The following SLC9A3 variants were observed in gnomAD, a reference collection of about 807,000 sequenced individuals.
SLC9A3 encodes sodium/hydrogen exchanger 3.
SLC9A3 carries 37 observed loss-of-function variants against 86.8 expected under a neutral mutation model. The observed-to-expected ratio is 0.43, with a 90% CI of 0.33 to 0.56. The LOEUF (loss-of-function observed/expected upper bound fraction) is 0.56, where lower values mean the gene tolerates loss of function less well. SLC9A3 is among the 20% of genes least tolerant of loss of function. The pLI is 0.06. For synonymous variants in SLC9A3, 581 were observed against 528.3 expected (o/e 1.10, Z -1.37); for missense variants, 1,011 against 1,171.9 (o/e 0.86, Z 2.00).
intron 9 of SLC9A3, 21 bp from the exon 10 acceptor site, chr5:479,986 T>C: frequency 1.9e-6 from 3 of 1,607,504 alleles, no homozygotes; most frequent in South Asian, 1.1e-5. Flanking sequence ...AGACCTTGGG[T>C]GTGAGCCTCA....
chr5:478,545 C>T (rs1184769433), intron 10 of SLC9A3: 1 of 153,960 alleles, frequency 6.5e-6, no homozygotes, highest in Admixed American at 6.5e-5. Flanking sequence ...TGTGGGGACC[C>T]CCGCTACTGA....
At position 473,321 on chromosome 5, in the gene SLC9A3, G is replaced by A. The variant is rs931047171; in HGVS notation, c.*58C>T. ...GTTTCTCTGGGACAGCGGCGGCGGC[G>A]GTGGGCGGACCGTGGCGCGGGGACG... On this transcript the variant is annotated 3_prime_UTR_variant, in exon 17 of 17. Transcript: ENST00000264938. 6 of 1,394,532 alleles carry A rather than the reference G, an allele frequency of 4.3e-6. No individual in the cohort carries two copies. The highest frequency in any genetic ancestry group is 1.5e-5 in the African/African-American group (1 of 66,514). The allele number at this position is 1,394,532 out of a possible 1,614,324, so 86.4% of individuals were successfully genotyped here.
At chr5:507,209 C>A (rs1264759802) in intron 1 of SLC9A3, among the ~76,000 whole-genome samples, 1 of 51,508 alleles carries the variant, frequency 1.9e-5, no homozygotes, top group Admixed American at 3.2e-4. Flanking sequence ...GGCTCTGTTG[C>A]CCAGGCTGGA....
intron 1 of SLC9A3, among the ~76,000 whole-genome samples, chr5:519,844 G>A (rs1232622117): frequency 2.6e-5 from 4 of 152,098 alleles, no homozygotes; most frequent in Non-Finnish European, 5.9e-5. Flanking sequence ...TGGGGGGGCT[G>A]CGCCGCTCAG....
chr5:524,108 T>C lies in SLC9A3; in HGVS notation c.211+4A>G. ...GCAGATCCGGAGACCCCGGGGCCAC[T>C]TACCGATCTTGGCCAAGCTGGCCAC... On this transcript the variant is annotated splice_donor_region_variant and intron_variant, in intron 1 of 16. Transcript: ENST00000264938. 6.7e-7 allele frequency: 1 copy of C among 1,499,304 alleles called. No homozygotes were observed. Among genetic ancestry groups the C allele is most frequent in the South Asian group, 1.3e-5 (1 of 79,342 alleles). 92.9% of individuals were successfully genotyped at this position (1,499,304 alleles called of 1,614,324 possible).
chr5:479,535 G>T (rs976649204), intron 10 of SLC9A3: 3 of 364,646 alleles, frequency 8.2e-6, no homozygotes, highest in African/African-American at 4.2e-5. Context: ...GTAACAGCCT[G>T]CCTGCTTACC....
At chr5:485,622 A>T (rs1247533554) in intron 3 of SLC9A3, among the ~76,000 whole-genome samples, 1 of 152,182 alleles carries the variant, frequency 6.6e-6, no homozygotes, top group Non-Finnish European at 1.5e-5. Context: ...ATGTTTTTAA[A>T]CCTTAGCCCG....
Position 484,588 on chromosome 5 carries a change from G to T in SLC9A3, c.864C>A (p.Gly288=). ...FTKHVRIIEP[G]FVFIISYLSY... is the part of the protein sequence containing the mutation. ...ACAGGTAGGAGATGATGAACACGAA[G>T]CCGGGCTCGATGATACGCACATGCT... The change falls in exon 5 of 17, where the codon GGC becomes GGA. Residue 288 remains glycine, a synonymous_variant. Coordinates refer to ENST00000264938, the MANE Select transcript of SLC9A3 (RefSeq NM_004174.4). 1 of 1,613,338 alleles carries T rather than the reference G, an allele frequency of 6.2e-7. No homozygotes were observed. Among genetic ancestry groups the T allele is most frequent in the Non-Finnish European group, 8.5e-7 (1 of 1,179,990 alleles).
At chr5:493,975 G>A (rs1560962916) in intron 1 of SLC9A3, among the ~76,000 whole-genome samples, 1 of 152,194 alleles carries the variant, frequency 6.6e-6, no homozygotes, top group Non-Finnish European at 1.5e-5. Context: ...GCCTGGCCTG[G>A]AATGAGGGAG....
intron 1 of SLC9A3, among the ~76,000 whole-genome samples, chr5:517,238 CATCT>C (rs1282493443): frequency 4.6e-5 from 6 of 129,142 alleles, no homozygotes; most frequent in South Asian, 2.6e-4. Flanking sequence ...GCCATCCATC[CATCT>C]GTCCATTCAC....
At position 482,680 on chromosome 5, in the gene SLC9A3, G is replaced by A. The variant is rs1398429954; in HGVS notation, c.1224C>T (p.Val408=). 6.2e-7 allele frequency: 1 copy of A among 1,612,468 alleles called. No homozygotes were observed. The highest frequency in any genetic ancestry group is 2.2e-5 in the East Asian group (1 of 44,846). ...MVQLEPIDQV[V]LSYGGLRGAV... is the part of the protein sequence containing the mutation. ...CCCCGCGCAGGCCCCCGTAGGACAG[G>A]ACCACCTGGTCAATGGGCTCCAGCT... Residue 408 remains valine (V), a synonymous_variant, in exon 7 of 17, where the codon GTC becomes GTT. Coordinates refer to ENST00000264938, the MANE Select transcript of SLC9A3 (RefSeq NM_004174.4).
Position 472,122 on chromosome 5 carries a change from C to G in SLC9A3, c.*1257G>C, listed in dbSNP as rs1341056664. On this transcript the variant is annotated 3_prime_UTR_variant, in exon 17 of 17. Coordinates refer to ENST00000264938, the MANE Select transcript of SLC9A3 (RefSeq NM_004174.4). ...TTGCCGTCTGAGGGATGGATGGACT[C>G]CGAGCACCCTCCCCGGCTCAGCACC... The G allele has an allele frequency of 3.5e-5, 14 of 403,352 alleles. No individual in the cohort carries two copies. The highest frequency in any genetic ancestry group is 6.5e-5 in the Non-Finnish European group (13 of 201,382). The allele number at this position is 403,352 out of a possible 1,614,324, so 25.0% of individuals were successfully genotyped here. A position where few individuals can be genotyped will look rare whatever the true frequency, so the allele number is the denominator to read the frequency against.
At chr5:488,502 C>T in intron 2 of SLC9A3, 26 bp from the exon 3 acceptor site, 1 of 1,518,752 alleles carries the variant, frequency 6.6e-7, no homozygotes, top group Non-Finnish European at 8.9e-7. Flanking sequence ...GGCCGCGGGG[C>T]AGCTGCAGGG....
rs2126602165 is a variant in SLC9A3 at position 474,869 on chromosome 5, C to T, written c.2501+14G>A. 1 of 1,583,844 alleles carries T rather than the reference C, an allele frequency of 6.3e-7. No individual in the cohort carries two copies. Among genetic ancestry groups the T allele is most frequent in the Middle Eastern group, 1.8e-4 (1 of 5,594 alleles). On this transcript the variant is annotated intron_variant, in intron 16 of 16. Coordinates refer to ENST00000264938, the MANE Select transcript of SLC9A3 (RefSeq NM_004174.4). ...CGGAGAGGGGTTAGGCGGCGGGAGG[C>T]CCGGGAGCGTTACATGTGTGTGGAC... is the stretch of plus-strand genomic sequence containing the variant.
intron 2 of SLC9A3, among the ~76,000 whole-genome samples, chr5:490,664 G>A (rs1189380721): frequency 2.6e-5 from 4 of 152,206 alleles, no homozygotes; most frequent in African/African-American, 7.2e-5. Flanking sequence ...AGGTAGGTGT[G>A]AGCCTCGAGG....
intron 1 of SLC9A3, among the ~76,000 whole-genome samples, chr5:507,211 C>T (rs1740632381): frequency 1.5e-5 from 1 of 65,750 alleles, no homozygotes; most frequent in African/African-American, 6.9e-5. Context: ...CTCTGTTGCC[C>T]AGGCTGGAGT....
chr5:488,176 T>G, intron 3 of SLC9A3, 140 bp downstream of exon 3: 2 of 848,514 alleles, frequency 2.4e-6, no homozygotes, highest in Non-Finnish European at 1.9e-6. Context: ...AGGAAGGAGG[T>G]GGAGGGACGG....
chr5:490,194 G>A (rs977421719), intron 2 of SLC9A3, among the ~76,000 whole-genome samples: 4 of 152,264 alleles, frequency 2.6e-5, no homozygotes, highest in Non-Finnish European at 2.9e-5. Flanking sequence ...AAGGCTGAGC[G>A]CAGGCCTCCA....
chr5:505,968 C>T (rs1164641798), intron 1 of SLC9A3, among the ~76,000 whole-genome samples: 1 of 151,868 alleles, frequency 6.6e-6, no homozygotes, highest in Non-Finnish European at 1.5e-5. Context: ...CTCTGAAAGG[C>T]TTTGAGGAGT....
Sources: gnomAD v4.1 joint callset for allele counts (sites outside exome capture counted in the v4.1 genomes callset) on GRCh38, gnomAD v4.1.1 for gene constraint, MANE v1.5 for transcripts, NCBI Gene and HGNC (gene_info 2026-07-23, HGNC 2026-07-21) for gene names.